SLCO3A1: variants seen among roughly 807,000 people sequenced by gnomAD.
SLCO3A1 encodes the protein PGE1 transporter.
In SLCO3A1, 27 loss-of-function variants were observed where a neutral mutation model predicts 63.1. That is an observed-to-expected ratio of 0.43 (90% CI 0.32 to 0.59). SLCO3A1 has a LOEUF of 0.59. Ranked by LOEUF, SLCO3A1 falls within the 20% of genes least tolerant of loss-of-function variation. The probability of loss-of-function intolerance (pLI) is 0.09; values close to 1 mark genes in which losing one functional copy is unlikely to be tolerated. For synonymous variants in SLCO3A1, 473 were observed against 409.9 expected (o/e 1.15, Z -1.86); for missense variants, 773 against 945.8 (o/e 0.82, Z 2.40).
chr15:92,112,873 GTTTCT>G (rs1341161493), intron 4 of SLCO3A1, among the ~76,000 whole-genome samples: 2 of 152,170 alleles, frequency 1.3e-5, no homozygotes, highest in African/African-American at 4.8e-5. Context: ...CACCCCCACT[GTTTCT>G]TTTATGAATG....
intron 4 of SLCO3A1, among the ~76,000 whole-genome samples, chr15:92,112,468 G>T (rs1404918368): frequency 2.0e-5 from 3 of 152,234 alleles, no homozygotes; most frequent in African/African-American, 7.2e-5. Flanking sequence ...GAACCACCCT[G>T]TGTGTGGGCC....
rs142198199 is a variant in SLCO3A1, at chr15:92,083,252, G to C, written c.647-11629G>C. Among the ~76,000 whole-genome samples, 583 of 152,272 alleles carry C rather than the reference G, an allele frequency of 3.8e-3. 6 individuals are homozygous for C. Among genetic ancestry groups the C allele is most frequent in the African/African-American group, 0.013 (560 of 41,554 alleles). On this transcript the variant is annotated intron_variant, in intron 2 of 9. Coordinates refer to ENST00000318445, the MANE Select transcript of SLCO3A1 (RefSeq NM_013272.4). ...AAGATTCCTCTAAAGAAAACCTCAGGCTTCCCCCAAAGGGATCTCTCATTT... is the reference window on the plus strand; with the variant it reads ...AAGATTCCTCTAAAGAAAACCTCAGCCTTCCCCCAAAGGGATCTCTCATTT...
At chr15:91,939,039 T>C (rs937145156) in intron 2 of SLCO3A1, among the ~76,000 whole-genome samples, 6 of 152,300 alleles carry the variant, frequency 3.9e-5, no homozygotes, top group Admixed American at 2.6e-4. Flanking sequence ...TAGATTGTTC[T>C]TGCATTGCTA....
At chr15:91,960,650 AC>A (rs1178342071) in intron 2 of SLCO3A1, among the ~76,000 whole-genome samples, 1 of 151,484 alleles carries the variant, frequency 6.6e-6, no homozygotes, top group African/African-American at 2.4e-5. Flanking sequence ...TTCTTTTCTC[AC>A]TATTTCATAT....
chr15:92,159,146 A>G (rs1252346654), intron 9 of SLCO3A1, among the ~76,000 whole-genome samples: 3 of 152,190 alleles, frequency 2.0e-5, no homozygotes, highest in Admixed American at 1.3e-4. Flanking sequence ...AGAAACAGAC[A>G]TTGAAAGATC....
At position 91,882,467 on chromosome 15, in the gene SLCO3A1, C is replaced by T. The variant is rs557211149; in HGVS notation, c.180+28379C>T. On this transcript the variant is annotated intron_variant, in intron 1 of 9. Transcript: ENST00000318445. The surrounding 1 kb of genome is among the most constrained non-coding windows in gnomAD (Gnocchi z 4.4). ...CAGAGGGACATGAAATTTGCTAATA[C>T]GGTATAGATTTGGGGGCCTCCACCC... Among the ~76,000 whole-genome samples the T allele has an allele frequency of 7.9e-5, 12 of 152,234 alleles. No individual in the cohort carries two copies. Among genetic ancestry groups the T allele is most frequent in the Non-Finnish European group, 1.3e-4 (9 of 68,006 alleles).
At chr15:92,116,434 T>C (rs549935525) in intron 4 of SLCO3A1, among the ~76,000 whole-genome samples, 1 of 152,064 alleles carries the variant, frequency 6.6e-6, no homozygotes, top group African/African-American at 2.4e-5. Flanking sequence ...CTAATGAGAG[T>C]TGAAAAGGTT....
intron 5 of SLCO3A1, among the ~76,000 whole-genome samples, chr15:92,121,540 T>C (rs2047862422): frequency 6.6e-6 from 1 of 152,172 alleles, no homozygotes; most frequent in African/African-American, 2.4e-5. Context: ...CATATCTAAG[T>C]GATGTCCAGT....
intron 2 of SLCO3A1, among the ~76,000 whole-genome samples, chr15:92,019,445 G>A (rs2046479859): frequency 6.6e-6 from 1 of 152,176 alleles, no homozygotes; most frequent in Admixed American, 6.5e-5. Flanking sequence ...CACCCCCAGA[G>A]GCTTCCTCCT....
At chr15:91,915,712 A>G (rs1481343161) in intron 1 of SLCO3A1, among the ~76,000 whole-genome samples, 2 of 152,090 alleles carry the variant, frequency 1.3e-5, no homozygotes, top group African/African-American at 4.8e-5. Flanking sequence ...TGTTTCCGGA[A>G]GAGGGTAGAA....
chr15:92,135,082 C>T (rs564514925), intron 7 of SLCO3A1, among the ~76,000 whole-genome samples: 2 of 152,298 alleles, frequency 1.3e-5, no homozygotes, highest in East Asian at 3.9e-4. Flanking sequence ...CATGGAAGGA[C>T]ATTCTAGCCG....
intron 9 of SLCO3A1, among the ~76,000 whole-genome samples, chr15:92,152,596 T>C (rs2151594797): frequency 1.3e-5 from 2 of 152,350 alleles, no homozygotes; most frequent in African/African-American, 4.8e-5. Context: ...GCTGATTTTT[T>C]CCTATCAGTG....
rs2048483997 is a variant in SLCO3A1, at chr15:92,165,217, G to C, written c.*2082G>C. The C allele has an allele frequency of 1.0e-6, 1 of 985,428 alleles. No individual in the cohort carries two copies. The highest frequency in any genetic ancestry group is 1.2e-6 in the Non-Finnish European group (1 of 829,948). The allele number at this position is 985,428 out of a possible 1,614,324, so 61.0% of individuals were successfully genotyped here. ...GCTACCTGGGGCAGGATGCTTCTGA[G>C]ACAGGCCTTTCAACTGCTTAGTGTT... On this transcript the variant is annotated 3_prime_UTR_variant, in exon 10 of 10. Coordinates refer to ENST00000318445, the MANE Select transcript of SLCO3A1 (RefSeq NM_013272.4).
At chr15:91,994,565 A>G (rs1384969559) in intron 2 of SLCO3A1, among the ~76,000 whole-genome samples, 1 of 151,862 alleles carries the variant, frequency 6.6e-6, no homozygotes. Context: ...AATCAGTTAT[A>G]AAATCAGGTG....
At chr15:91,903,429 G>C (rs1163289106) in intron 1 of SLCO3A1, among the ~76,000 whole-genome samples, 1 of 152,134 alleles carries the variant, frequency 6.6e-6, no homozygotes, top group African/African-American at 2.4e-5. Flanking sequence ...CTCTTGTTTC[G>C]GGCACTTCAG....
intron 2 of SLCO3A1, among the ~76,000 whole-genome samples, chr15:91,987,569 C>T (rs1212344593): frequency 2.0e-5 from 3 of 151,938 alleles, no homozygotes; most frequent in Non-Finnish European, 4.4e-5. Context: ...TCATGAAACT[C>T]CGTCTCTACT....
At chr15:91,974,937 G>T (rs1901040974) in intron 2 of SLCO3A1, among the ~76,000 whole-genome samples, 1 of 152,086 alleles carries the variant, frequency 6.6e-6, no homozygotes, top group Non-Finnish European at 1.5e-5. Flanking sequence ...TCCCTGTCTG[G>T]GTTCCCATCC....
At chr15:92,049,790 T>C (rs1330704716) in intron 2 of SLCO3A1, among the ~76,000 whole-genome samples, 1 of 152,110 alleles carries the variant, frequency 6.6e-6, no homozygotes, top group Admixed American at 6.5e-5. Flanking sequence ...CAGGAAGACA[T>C]CTGGGAGGAA....
chr15:91,902,923 G>A (rs193189369), intron 1 of SLCO3A1, among the ~76,000 whole-genome samples: 26 of 152,300 alleles, frequency 1.7e-4, no homozygotes, highest in Admixed American at 2.6e-4. Context: ...CTGCAAATTC[G>A]AAATAATAAT....
Sources: allele counts gnomAD v4.1 joint callset (sites outside exome capture counted in the v4.1 genomes callset), GRCh38; gene constraint gnomAD v4.1.1; non-coding constraint Gnocchi (gnomAD v3.1); transcripts MANE v1.5; gene names NCBI Gene and HGNC (gene_info 2026-07-23, HGNC 2026-07-21).